Variants in SPP1 observed in about 807,000 individuals in gnomAD.
SPP1 encodes osteopontin.
In SPP1, 18 loss-of-function variants were observed where a neutral mutation model predicts 20.8. The ratio of observed to expected loss-of-function variants is 0.87; its 90% CI spans 0.60 to 1.29. SPP1 has a LOEUF of 1.29. Among genes scored for constraint, SPP1 ranks in the 50% most tolerant of loss-of-function variants. The pLI is 0.00. For missense variants in SPP1, 363 were observed against 389.0 expected (o/e 0.93, Z 0.56); for synonymous variants, 146 against 141.5 (o/e 1.03, Z -0.23).
intron 3 of SPP1, chr4:87,977,872 G>A (rs1263512600): frequency 8.4e-7 from 1 of 1,190,210 alleles, no homozygotes; most frequent in African/African-American, 1.6e-5. Flanking sequence ...TCGTTTGTGT[G>A]TGGAGGGGTG....
Position 87,982,715 on chromosome 4 carries a change from A to G in SPP1, c.764A>G (p.Asn255Ser). ...LYKRKANDES[N>S]EHSDVIDSQE... ...AAGCGGAAAGCCAATGATGAGAGCA[A>G]TGAGCATTCCGATGTGATTGATAGT... The change falls in exon 7 of 7, where the codon AAT (asparagine) becomes AGT (serine). Residue 255 changes from asparagine (N) to serine (S), a missense_variant. Asn to Ser is a conservative substitution (Grantham distance 46). Coordinates refer to ENST00000395080, the MANE Select transcript of SPP1 (RefSeq NM_001040058.2). 1.2e-6 allele frequency: 2 copies of G among 1,614,188 alleles called. No homozygotes were observed. The highest frequency in any genetic ancestry group is 1.7e-6 in the Non-Finnish European group (2 of 1,180,036).
rs1725725267 is a variant in SPP1, at chr4:87,982,983, C to T, written c.*87C>T. 12 of 1,286,408 alleles carry T rather than the reference C, an allele frequency of 9.3e-6. No homozygotes were observed. Among genetic ancestry groups the T allele is most frequent in the Non-Finnish European group, 1.3e-5 (12 of 949,728 alleles). The allele number at this position is 1,286,408 out of a possible 1,614,324, so 79.7% of individuals were successfully genotyped here. ...AAATGAAAGAGAACATGAAATGCTT[C>T]TTTCTCAGTTTATTGGTTGAATGTG... On this transcript the variant is annotated 3_prime_UTR_variant, in exon 7 of 7. Transcript: ENST00000395080.
rs1415896236 is a variant in SPP1, at chr4:87,982,647, C to T, written c.696C>T (p.Asp232=). The T allele has an allele frequency of 6.2e-7, 1 of 1,613,944 alleles. No individual in the cohort carries two copies. The highest frequency in any genetic ancestry group is 1.3e-5 in the African/African-American group (1 of 74,884). Residue 232 remains aspartate, a synonymous_variant, in exon 7 of 7, where the codon GAC becomes GAT. Transcript: ENST00000395080. ...KDSYETSQLD[D]QSAETHSHKQ... ...GTTATGAAACGAGTCAGCTGGATGA[C>T]CAGAGTGCTGAAACCCACAGCCACA...
In SPP1 at chr4:87,982,554, A is replaced by C; in HGVS notation, c.603A>C (p.Ala201=). 1 of 1,614,174 alleles carries C rather than the reference A, an allele frequency of 6.2e-7. No homozygotes were observed. The highest frequency in any genetic ancestry group is 1.3e-5 in the African/African-American group (1 of 75,052). Reference sequence around the variant, plus strand: ...TGGAAAGCGAGGAGTTGAATGGTGCATACAAGGCCATCCCCGTTGCCCAGG... The same window carrying C: ...TGGAAAGCGAGGAGTTGAATGGTGCCTACAAGGCCATCCCCGTTGCCCAGG... The part of the protein sequence containing the change: ...SHMESEELNG[A]YKAIPVAQDL... Residue 201 remains alanine (A), a synonymous_variant, in exon 7 of 7, where the codon GCA becomes GCC. Transcript: ENST00000395080.
intron 5 of SPP1, among the ~76,000 whole-genome samples, 178 bp from the exon 6 acceptor site, chr4:87,981,297 G>C (rs753437874): frequency 6.6e-6 from 1 of 152,130 alleles, no homozygotes; most frequent in Admixed American, 6.5e-5. Context: ...ATTAATCCCT[G>C]TGTTAAAAGA....
chr4:87,977,146 G>A (rs1725412186), intron 3 of SPP1, 49 bp downstream of exon 3: 3 of 1,562,508 alleles, frequency 1.9e-6, no homozygotes, highest in Middle Eastern at 2.3e-4. Flanking sequence ...ACTCAATTAT[G>A]GCGAGAGGTG....
intron 3 of SPP1, among the ~76,000 whole-genome samples, chr4:87,978,634 G>A (rs952416997): frequency 1.1e-4 from 16 of 152,150 alleles, no homozygotes; most frequent in African/African-American, 3.1e-4. Context: ...CACCCTCCTT[G>A]GCCTCCCAAA....
Position 87,981,782 on chromosome 4 carries a change from G to A in SPP1, c.524G>A (p.Arg175His), listed in dbSNP as rs780083528. ...CTGAGGTCAAAATCTAAGAAGTTTC[G>A]CAGACCTGACATCCAGGTAAATCCT... Reference protein sequence around the residue: ...YGLRSKSKKFRRPDIQYPDAT... With the variant: ...YGLRSKSKKFHRPDIQYPDAT... Residue 175 changes from arginine to histidine, a missense_variant, in exon 6 of 7, where the codon CGC (arginine) becomes CAC (histidine). By Grantham distance (29) the Arg-to-His change is conservative (BLOSUM62 0). Coordinates refer to ENST00000395080, the MANE Select transcript of SPP1 (RefSeq NM_001040058.2). The A allele has an allele frequency of 1.2e-5, 20 of 1,613,734 alleles. No individual in the cohort carries two copies. The highest frequency in any genetic ancestry group is 4.5e-5 in the East Asian group (2 of 44,878).
intron 3 of SPP1, among the ~76,000 whole-genome samples, chr4:87,978,522 A>G (rs1431649539): frequency 6.7e-6 from 1 of 149,916 alleles, no homozygotes; most frequent in Non-Finnish European, 1.5e-5. Context: ...AGCTGGGACT[A>G]CAGGCGCCCG....
At position 87,981,620 on chromosome 4, in the gene SPP1, A is replaced by T. The variant is rs1725649376; in HGVS notation, c.362A>T (p.Asp121Val). 1 of 1,614,202 alleles carries T rather than the reference A, an allele frequency of 6.2e-7. No homozygotes were observed. The highest frequency in any genetic ancestry group is 8.5e-7 in the Non-Finnish European group (1 of 1,180,028). Residue 121 changes from aspartate (D) to valine (V), a missense_variant, in exon 6 of 7, where the codon GAT (aspartate) becomes GTT (valine). By Grantham distance (152) the Asp-to-Val change is radical. Coordinates refer to ENST00000395080, the MANE Select transcript of SPP1 (RefSeq NM_001040058.2). ...GACACTGATGATTCTCACCAGTCTGATGAGTCTCACCATTCTGATGAATCT... is the reference window on the plus strand; with the variant it reads ...GACACTGATGATTCTCACCAGTCTGTTGAGTCTCACCATTCTGATGAATCT... Reference protein sequence around the residue: ...VDDTDDSHQSDESHHSDESDE... With the variant: ...VDDTDDSHQSVESHHSDESDE...
intron 3 of SPP1, among the ~76,000 whole-genome samples, chr4:87,979,623 A>T (rs1725565860): frequency 6.6e-6 from 1 of 152,192 alleles, no homozygotes; most frequent in African/African-American, 2.4e-5. Flanking sequence ...GATGTGCTTT[A>T]TCTGAGAGGA....
At chr4:87,978,182 G>A (rs1196085009) in intron 3 of SPP1, among the ~76,000 whole-genome samples, 2 of 152,122 alleles carry the variant, frequency 1.3e-5, no homozygotes, top group Non-Finnish European at 2.9e-5. Flanking sequence ...GGTTATCTGT[G>A]AGTGTTAGGA....
At chr4:87,982,447 C>A in intron 6 of SPP1, 45 bp from the exon 7 acceptor site, 2 of 1,582,614 alleles carry the variant, frequency 1.3e-6, no homozygotes, top group Non-Finnish European at 1.7e-6. Context: ...ATATTCCCAT[C>A]CCTAGCCGTT....
At chr4:87,980,239 C>A in intron 4 of SPP1, 113 bp downstream of exon 4, 2 of 1,463,246 alleles carry the variant, frequency 1.4e-6, no homozygotes, top group Non-Finnish European at 1.9e-6. Context: ...GTGCTTAGGA[C>A]ATTGACTGAT....
intron 3 of SPP1, among the ~76,000 whole-genome samples, chr4:87,978,529 C>A (rs931060132): frequency 1.3e-5 from 2 of 151,704 alleles, no homozygotes; most frequent in Non-Finnish European, 2.9e-5. Flanking sequence ...ACTACAGGCG[C>A]CCGCCACCAC....
intron 3 of SPP1, among the ~76,000 whole-genome samples, chr4:87,979,533 C>A (rs1233007292): frequency 1.3e-5 from 2 of 152,076 alleles, no homozygotes. Context: ...ACTGAATTAG[C>A]ACAGTCTTAG....
intron 3 of SPP1, among the ~76,000 whole-genome samples, chr4:87,979,177 T>G (rs1223164404): frequency 1.4e-5 from 2 of 146,624 alleles, no homozygotes; most frequent in Non-Finnish European, 3.0e-5. Flanking sequence ...TTTTTTTTTT[T>G]TTTTTGAGAT....
chr4:87,976,512 TA>T (rs1448588665), intron 1 of SPP1, among the ~76,000 whole-genome samples: 1 of 152,166 alleles, frequency 6.6e-6, no homozygotes, highest in Non-Finnish European at 1.5e-5. Context: ...TTTTCTTCTC[TA>T]AAAAATATTC....
intron 3 of SPP1, chr4:87,977,735 G>A (rs1337637398): frequency 1.6e-6 from 2 of 1,283,408 alleles, no homozygotes; most frequent in Admixed American, 2.3e-5. Context: ...ATTGTCCCCA[G>A]AAGCTTGGAC....
Sources: allele counts gnomAD v4.1 joint callset (sites outside exome capture counted in the v4.1 genomes callset), GRCh38; gene constraint gnomAD v4.1.1; transcripts MANE v1.5; gene names NCBI Gene and HGNC (gene_info 2026-07-23, HGNC 2026-07-21).